API5: variants seen among roughly 807,000 people sequenced by gnomAD.
API5 encodes the protein apoptosis inhibitor 5, also known as FIF.
A neutral mutation model predicts 71.9 loss-of-function variants in API5; 6 were observed. The observed-to-expected ratio is 0.08, with a 90% CI of 0.05 to 0.16. The LOEUF (loss-of-function observed/expected upper bound fraction) is 0.16. Ranked by LOEUF, API5 falls within the 10% of genes least tolerant of loss-of-function variation. The pLI, the probability that API5 is intolerant of heterozygous loss-of-function variation, is 1.00. For missense variants in API5, 332 were observed against 612.8 expected (o/e 0.54, Z 4.84); for synonymous variants, 189 against 221.3 (o/e 0.85, Z 1.30).
intron 5 of API5, 130 bp from the exon 6 acceptor site, chr11:43,323,300 G>A (rs912710150): frequency 3.3e-5 from 29 of 884,048 alleles, no homozygotes; most frequent in Admixed American, 1.5e-4. Flanking sequence ...TTGCCTTTTC[G>A]TCAGTATTTT....
At chr11:43,325,182 C>T (rs1262413721) in intron 6 of API5, among the ~76,000 whole-genome samples, 1 of 151,280 alleles carries the variant, frequency 6.6e-6, no homozygotes, top group Admixed American at 6.6e-5. Context: ...CATGTCTGAA[C>T]AGGATATAGT....
At chr11:43,315,676 A>C (rs1172697055) in intron 1 of API5, among the ~76,000 whole-genome samples, 1 of 152,132 alleles carries the variant, frequency 6.6e-6, no homozygotes, top group East Asian at 1.9e-4. Context: ...CAGTCCTATC[A>C]TCTTCTCATG....
intron 1 of API5, among the ~76,000 whole-genome samples, chr11:43,317,478 G>C (rs1854711475): frequency 6.6e-6 from 1 of 152,076 alleles, no homozygotes; most frequent in Non-Finnish European, 1.5e-5. Flanking sequence ...AAATTGTCTG[G>C]CTATATGGAG....
chr11:43,323,537 G>A lies in API5; in HGVS notation c.651G>A (p.Val217=), dbSNP rs1294996641. 1 of 1,614,154 alleles carries A rather than the reference G, an allele frequency of 6.2e-7. No homozygotes were observed. The highest frequency in any genetic ancestry group is 1.7e-5 in the Admixed American group (1 of 60,026). ...VSGRQQLVEL[V]AEQADLEQTF... The stretch of plus-strand genomic sequence containing the variant: ...GAAGACAGCAACTTGTAGAGTTGGT[G>A]GCTGAACAGGCCGACCTAGAACAGA... The change falls in exon 6 of 14, where the codon GTG becomes GTA. Residue 217 remains valine, a synonymous_variant. Coordinates refer to ENST00000531273, the MANE Select transcript of API5 (RefSeq NM_001142930.2).
In API5 at chr11:43,335,109, G is replaced by A. The variant is rs1855387105; in HGVS notation, c.1279-169G>A. On this transcript the variant is annotated intron_variant, in intron 11 of 13. Transcript: ENST00000531273. The stretch of plus-strand genomic sequence containing the variant: ...TATGTGCACAAAATTATGTTAATGA[G>A]GTAATACATGTGATTTGTAAACAAA... 8.2e-6 allele frequency: 5 copies of A among 612,032 alleles called. No individual in the cohort carries two copies. The Admixed American group carries it at 1.2e-4, about 15-fold the overall frequency. The allele number at this position is 612,032 out of a possible 1,614,324, so 37.9% of individuals were successfully genotyped here. A position where few individuals can be genotyped will look rare whatever the true frequency, so the allele number is the denominator to read the frequency against.
chr11:43,324,800 C>G (rs993252561), intron 6 of API5, among the ~76,000 whole-genome samples: 1 of 152,084 alleles, frequency 6.6e-6, no homozygotes, highest in Non-Finnish European at 1.5e-5. Context: ...GCCTCAACTT[C>G]CCGAGTAGCT....
At chr11:43,312,238 G>C in intron 1 of API5, 42 bp downstream of exon 1, 2 of 1,595,090 alleles carry the variant, frequency 1.3e-6, no homozygotes, top group Non-Finnish European at 1.7e-6. Flanking sequence ...CTGGCGCTCC[G>C]CGGCCTTTCG....
chr11:43,320,972 G>T, intron 3 of API5, 58 bp downstream of exon 3: 2 of 1,447,790 alleles, frequency 1.4e-6, no homozygotes, highest in South Asian at 2.4e-5. Flanking sequence ...CTGAAATGTT[G>T]ACTCTGTTTT....
At chr11:43,331,193 C>T (rs1261983562) in intron 11 of API5, 2 of 152,596 alleles carry the variant, frequency 1.3e-5, no homozygotes, top group Non-Finnish European at 2.9e-5. Flanking sequence ...ATAGTTGACC[C>T]TTGAACAATG....
intron 2 of API5, 132 bp from the exon 3 acceptor site, chr11:43,320,689 C>G (rs1854849215): frequency 1.4e-6 from 1 of 727,322 alleles, no homozygotes; most frequent in Admixed American, 2.7e-5. Flanking sequence ...CATGGTTGCA[C>G]CACTGCACTC....
chr11:43,335,420 C>T lies in API5; in HGVS notation c.1355+66C>T, dbSNP rs1855400610. ...CTTAATACGAGTTACATTTACTGTT[C>T]AAAAGGGTGCAATGTTAAATGATTC... On this transcript the variant is annotated intron_variant, in intron 12 of 13. Coordinates refer to ENST00000531273, the MANE Select transcript of API5 (RefSeq NM_001142930.2). 1.1e-5 allele frequency: 10 copies of T among 915,946 alleles called. 1 individual carries two copies. Among genetic ancestry groups the T allele is most frequent in the Non-Finnish European group, 1.7e-5 (10 of 572,254 alleles). 56.7% of individuals were successfully genotyped at this position (915,946 alleles called of 1,614,324 possible).
intron 1 of API5, among the ~76,000 whole-genome samples, chr11:43,315,709 C>T (rs1022540493): frequency 3.3e-5 from 5 of 152,070 alleles, no homozygotes; most frequent in Non-Finnish European, 7.3e-5. Flanking sequence ...TCTGCCTATG[C>T]GTTCATCCTG....
At chr11:43,335,097 T>G (rs1855386454) in intron 11 of API5, among the ~76,000 whole-genome samples, 181 bp from the exon 12 acceptor site, 1 of 152,204 alleles carries the variant, frequency 6.6e-6, no homozygotes, top group Admixed American at 6.5e-5. Flanking sequence ...GTGCACAAAA[T>G]TATGTTAATG....
rs2134393330 is a variant in API5 at position 43,342,492 on chromosome 11, T to C, written c.1557T>C (p.Ser519=). 6.2e-7 allele frequency: 1 copy of C among 1,613,222 alleles called. No homozygotes were observed. The highest frequency in any genetic ancestry group is 1.3e-5 in the African/African-American group (1 of 75,034). Residue 519 remains serine, a synonymous_variant, in exon 14 of 14, where the codon AGT becomes AGC. Transcript: ENST00000531273. ...GRGWGTRGNR[S]RGRLY ...GTTGGGGCACACGAGGAAATCGTAG[T>C]CGGGGAAGACTCTACTGAATAAGAC...
Position 43,342,439 on chromosome 11 carries a change from G to C in API5, c.1504G>C (p.Ala502Pro), listed in dbSNP as rs778319466. Residue 502 changes from alanine to proline, a missense_variant, in exon 14 of 14, where the codon GCC becomes CCC. Transcript: ENST00000531273. ...LGNFNYEQRG[A>P]FRGSRGGRGW... The stretch of plus-strand genomic sequence containing the variant: ...TCGCTTTTTCGTAGAGCAGAGAGGA[G>C]CCTTCAGGGGAAGTAGAGGTGGCCG... The C allele has an allele frequency of 6.2e-7, 1 of 1,608,728 alleles. No homozygotes were observed. Among genetic ancestry groups the C allele is most frequent in the Non-Finnish European group, 8.5e-7 (1 of 1,177,044 alleles).
rs1319520609 is a variant in API5, at chr11:43,342,494, G to A, written c.1559G>A (p.Arg520Gln). ...RGWGTRGNRS[R>Q]GRLY is the part of the protein sequence containing the mutation. ...TGGGGCACACGAGGAAATCGTAGTC[G>A]GGGAAGACTCTACTGAATAAGACAT... The change falls in exon 14 of 14, where the codon CGG becomes CAG. Residue 520 changes from arginine (R) to glutamine (Q), a missense_variant. Coordinates refer to ENST00000531273, the MANE Select transcript of API5 (RefSeq NM_001142930.2). 6.8e-6 allele frequency: 11 copies of A among 1,613,076 alleles called. No individual in the cohort carries two copies. The highest frequency in any genetic ancestry group is 1.6e-4 in the Middle Eastern group (1 of 6,078).
chr11:43,315,754 G>C (rs1854648214), intron 1 of API5, among the ~76,000 whole-genome samples: 1 of 151,710 alleles, frequency 6.6e-6, no homozygotes, highest in African/African-American at 2.4e-5. Flanking sequence ...ACTCCTTCAG[G>C]TCTCACTCTT....
intron 9 of API5, among the ~76,000 whole-genome samples, chr11:43,329,695 T>G (rs1855189899): frequency 6.6e-6 from 1 of 152,266 alleles, no homozygotes; most frequent in Admixed American, 6.5e-5. Context: ...ACACTGCTTA[T>G]TGAATTGTTC....
chr11:43,321,595 A>C, intron 4 of API5, 119 bp downstream of exon 4: 1 of 827,352 alleles, frequency 1.2e-6, no homozygotes, highest in Non-Finnish European at 1.8e-6. Flanking sequence ...AAAAATTCTA[A>C]GTATTGTGAA....
Sources: gnomAD v4.1 joint callset for allele counts (sites outside exome capture counted in the v4.1 genomes callset) on GRCh38, gnomAD v4.1.1 for gene constraint, MANE v1.5 for transcripts, NCBI Gene and HGNC (gene_info 2026-07-23, HGNC 2026-07-21) for gene names.